The following GMDS variants were observed in gnomAD, a reference collection of about 807,000 sequenced individuals.
GMDS encodes GDP-mannose 4,6-dehydratase, also known as GDP-mannose 4,6 dehydratase.
A neutral mutation model predicts 49.9 loss-of-function variants in GMDS; 20 were observed. The observed-to-expected ratio is 0.40, with a 90% CI of 0.28 to 0.58. GMDS has a LOEUF of 0.58. Ranked by LOEUF, GMDS falls within the 20% of genes least tolerant of loss-of-function variation. The probability of loss-of-function intolerance (pLI) is 0.42; values close to 1 mark genes in which losing one functional copy is unlikely to be tolerated. For synonymous variants in GMDS, 177 were observed against 178.6 expected, an observed-to-expected ratio of 0.99 and a Z score of 0.07; for missense variants, 362 against 481.4, an observed-to-expected ratio of 0.75 and a Z score of 2.32.
Position 1,743,061 on chromosome 6 carries a change from C to A in GMDS, c.772-475G>T, listed in dbSNP as rs1037262549. 9.2e-5 allele frequency among the ~76,000 whole-genome samples: 14 copies of A among 152,172 alleles called. No homozygotes were observed. In the South Asian group the frequency reaches 2.7e-3, roughly 29 times the overall value. ...CAGGTATTTGTCCTCAAAAGTAGAA[C>A]TTAATTTTTGAACAATAAAGTTGAG... On this transcript the variant is annotated intron_variant, in intron 7 of 10. Transcript: ENST00000380815.
intron 7 of GMDS, among the ~76,000 whole-genome samples, chr6:1,789,599 G>A (rs577386504): frequency 1.7e-4 from 25 of 148,594 alleles, no homozygotes; most frequent in African/African-American, 4.9e-4. Context: ...ACAGTGGTGC[G>A]ATCACGGCTC....
At chr6:2,112,536 T>A (rs1774606342) in intron 4 of GMDS, among the ~76,000 whole-genome samples, 1 of 152,110 alleles carries the variant, frequency 6.6e-6, no homozygotes, top group African/African-American at 2.4e-5. Context: ...GAATCAAGGA[T>A]TCTGAAGAGA....
Position 1,823,625 on chromosome 6 carries a change from T to C in GMDS, c.772-81039A>G, listed in dbSNP as rs540903403. Among the ~76,000 whole-genome samples the C allele has an allele frequency of 5.9e-5, 9 of 152,230 alleles. No individual in the cohort carries two copies. The South Asian group carries it at 1.5e-3, about 25-fold the overall frequency. On this transcript the variant is annotated intron_variant, in intron 7 of 10. Coordinates refer to ENST00000380815, the MANE Select transcript of GMDS (RefSeq NM_001500.4). ...ACCTGAAGTTTAGCATTTCCTAAGGTTGTGACCTTACCTCCCCCTTCTTTT... is the reference window on the plus strand; with the variant it reads ...ACCTGAAGTTTAGCATTTCCTAAGGCTGTGACCTTACCTCCCCCTTCTTTT...
chr6:1,945,498 A>G (rs1763038124), intron 6 of GMDS, among the ~76,000 whole-genome samples: 2 of 152,176 alleles, frequency 1.3e-5, no homozygotes, highest in Admixed American at 1.3e-4. Context: ...AAGGAGATAA[A>G]GTTTCACACT....
At chr6:2,005,852 T>A (rs1767129098) in intron 4 of GMDS, among the ~76,000 whole-genome samples, 1 of 152,146 alleles carries the variant, frequency 6.6e-6, no homozygotes, top group Non-Finnish European at 1.5e-5. Flanking sequence ...TCTTTATATA[T>A]CACCACCTCC....
At chr6:2,161,768 C>T (rs1777411876) in intron 1 of GMDS, among the ~76,000 whole-genome samples, 1 of 152,074 alleles carries the variant, frequency 6.6e-6, no homozygotes, top group Non-Finnish European at 1.5e-5. Flanking sequence ...GGGACATTTC[C>T]CAAACTGTCC....
chr6:2,189,529 T>C (rs1243300664), intron 1 of GMDS, among the ~76,000 whole-genome samples: 2 of 152,176 alleles, frequency 1.3e-5, no homozygotes, highest in African/African-American at 4.8e-5. Context: ...TAAGTAAATC[T>C]GGGATGGGGC....
rs1166873909 is a variant in GMDS at position 1,652,495 on chromosome 6, T to C, written c.988-27955A>G. ...TATATATATTATATATAATATATAT[T>C]ATTTATATAATATATTATATATATT... On this transcript the variant is annotated intron_variant, in intron 9 of 10. Transcript: ENST00000380815. 5.0e-4 allele frequency among the ~76,000 whole-genome samples: 4 copies of C among 8,030 alleles called. 1 individual carries two copies. The highest frequency in any genetic ancestry group is 1.7e-3 in the African/African-American group (3 of 1,788). The allele number at this position is 8,030 out of a possible 152,430, so 5.3% of individuals were successfully genotyped here.
intron 4 of GMDS, among the ~76,000 whole-genome samples, chr6:2,093,786 A>G (rs1166474551): frequency 6.6e-6 from 1 of 152,134 alleles, no homozygotes; most frequent in Non-Finnish European, 1.5e-5. Context: ...CAGCAAAAAA[A>G]AAAAGAAAAA....
At chr6:2,089,398 C>T (rs75488924) in intron 4 of GMDS, among the ~76,000 whole-genome samples, 4,457 of 151,252 alleles carry the variant, frequency 0.029, 140 homozygotes, top group South Asian at 0.12. Flanking sequence ...GCAACAGAAC[C>T]GAGAACAAAA....
intron 7 of GMDS, among the ~76,000 whole-genome samples, chr6:1,800,084 C>G (rs539723834): frequency 8.5e-5 from 13 of 152,294 alleles, no homozygotes; most frequent in African/African-American, 2.6e-4. Flanking sequence ...TCCCTTCCTT[C>G]CTCCCACCTT....
intron 9 of GMDS, among the ~76,000 whole-genome samples, chr6:1,725,453 C>T (rs549948199): frequency 4.6e-5 from 7 of 150,934 alleles, no homozygotes; most frequent in East Asian, 1.9e-4. Context: ...TTTTTTGAGA[C>T]GGAGTTTCAC....
intron 4 of GMDS, among the ~76,000 whole-genome samples, chr6:1,967,516 G>A (rs1168029350): frequency 2.0e-5 from 3 of 152,188 alleles, no homozygotes; most frequent in East Asian, 3.8e-4. Context: ...GGGCAAGACA[G>A]ATAAAACTCT....
intron 7 of GMDS, among the ~76,000 whole-genome samples, chr6:1,764,233 G>A (rs1768264901): frequency 6.6e-6 from 1 of 152,196 alleles, no homozygotes; most frequent in Non-Finnish European, 1.5e-5. Flanking sequence ...GGAATGTGCT[G>A]TGAGGGTGAA....
At chr6:1,937,328 A>G (rs1350399021) in intron 6 of GMDS, among the ~76,000 whole-genome samples, 5 of 152,212 alleles carry the variant, frequency 3.3e-5, no homozygotes, top group African/African-American at 7.2e-5. Flanking sequence ...AAGCTTCAAC[A>G]TTCTGTTACA....
At chr6:2,058,464 A>G (rs1451004137) in intron 4 of GMDS, among the ~76,000 whole-genome samples, 3 of 152,208 alleles carry the variant, frequency 2.0e-5, no homozygotes, top group Admixed American at 2.0e-4. Flanking sequence ...AAAAATGAGT[A>G]AAAAGAGACT....
intron 4 of GMDS, among the ~76,000 whole-genome samples, chr6:1,997,724 A>G (rs1766383098): frequency 6.6e-6 from 1 of 151,988 alleles, no homozygotes; most frequent in South Asian, 2.1e-4. Context: ...CCACTGGCCA[A>G]TTTGGTGAGC....
At chr6:1,854,415 T>A (rs1050182238) in intron 7 of GMDS, among the ~76,000 whole-genome samples, 1 of 152,248 alleles carries the variant, frequency 6.6e-6, no homozygotes, top group African/African-American at 2.4e-5. Context: ...CTTCCAATGT[T>A]CTCTGTTAAT....
At chr6:1,940,905 G>A in intron 6 of GMDS, among the ~76,000 whole-genome samples, 1 of 152,202 alleles carries the variant, frequency 6.6e-6, no homozygotes, top group East Asian at 1.9e-4. Flanking sequence ...GTGCTTTGCA[G>A]TGTTTAGGAG....
Sources: gnomAD v4.1 joint callset for allele counts (sites outside exome capture counted in the v4.1 genomes callset) on GRCh38, gnomAD v4.1.1 for gene constraint, MANE v1.5 for transcripts, NCBI Gene and HGNC (gene_info 2026-07-23, HGNC 2026-07-21) for gene names.